The following GAB2 variants were observed in gnomAD, a reference collection of about 807,000 sequenced individuals.
The protein encoded by GAB2 is GRB2-associated-binding protein 2.
A neutral mutation model predicts 65.5 loss-of-function variants in GAB2; 26 were observed. The observed-to-expected ratio is 0.40, with a 90% CI of 0.29 to 0.55. The LOEUF (loss-of-function observed/expected upper bound fraction) is 0.55, where lower values mean the gene tolerates loss of function less well. Among genes scored for constraint, GAB2 ranks in the 20% least tolerant of loss-of-function variants. GAB2 has a pLI of 0.53. For missense variants in GAB2, 884 were observed against 875.8 expected, an observed-to-expected ratio of 1.01 and a Z score of -0.12; for synonymous variants, 321 against 329.6, an observed-to-expected ratio of 0.97 and a Z score of 0.28.
intron 1 of GAB2, among the ~76,000 whole-genome samples, chr11:78,302,701 C>T (rs1372102724): frequency 6.6e-6 from 1 of 152,140 alleles, no homozygotes; most frequent in African/African-American, 2.4e-5. Context: ...GAAAAGAAGC[C>T]ATTATACAAA....
chr11:78,291,171 G>A (rs931177162), intron 1 of GAB2, among the ~76,000 whole-genome samples: 2 of 151,910 alleles, frequency 1.3e-5, no homozygotes, highest in East Asian at 3.9e-4. Flanking sequence ...AGTAGATCAA[G>A]GCTGGGCGTG....
Position 78,231,336 on chromosome 11 carries a change from G to GGTGTGTGTGTGCGTGTGT in GAB2, c.621-4286_621-4285insACACACGCACACACACAC, listed in dbSNP as rs1554975137. On this transcript the variant is annotated intron_variant, in intron 3 of 9. Coordinates refer to ENST00000361507, the MANE Select transcript of GAB2 (RefSeq NM_080491.3). ...CCTTGGTGCGCGCGCGCGCGTGTGT[G>GGTGTGTGTGTGCGTGTGT]GTGTGTGTGTGTGTGTGTGTGTGTG... Among the ~76,000 whole-genome samples, 132 of 145,896 alleles carry GGTGTGTGTGTGCGTGTGT rather than the reference G, an allele frequency of 9.0e-4. 1 individual carries two copies. Among genetic ancestry groups the GGTGTGTGTGTGCGTGTGT allele is most frequent in the African/African-American group, 3.2e-3 (124 of 38,680 alleles).
At chr11:78,271,856 G>T (rs1338390751) in intron 2 of GAB2, among the ~76,000 whole-genome samples, 1 of 152,208 alleles carries the variant, frequency 6.6e-6, no homozygotes, top group Non-Finnish European at 1.5e-5. Context: ...ATTCCCACGT[G>T]TTGTGGGAGG....
chr11:78,324,875 A>G (rs771445226), intron 1 of GAB2: 1 of 152,160 alleles, frequency 6.6e-6, no homozygotes, highest in Non-Finnish European at 1.5e-5. Context: ...AGCTAATCTA[A>G]AGTCATTAAT....
At chr11:78,305,774 C>T (rs1381296948) in intron 1 of GAB2, among the ~76,000 whole-genome samples, 2 of 152,310 alleles carry the variant, frequency 1.3e-5, no homozygotes, top group African/African-American at 4.8e-5. Context: ...GAATAGGGCT[C>T]TCTGGAGTCC....
intron 1 of GAB2, among the ~76,000 whole-genome samples, chr11:78,398,916 G>A (rs1470066235): frequency 6.6e-6 from 1 of 152,150 alleles, no homozygotes; most frequent in Non-Finnish European, 1.5e-5. Flanking sequence ...AAATCAACTC[G>A]AATAGGCTCC....
Position 78,216,182 on chromosome 11 carries a change from G to C in GAB2, c.*3090C>G, listed in dbSNP as rs1388705452. On this transcript the variant is annotated 3_prime_UTR_variant, in exon 10 of 10. Coordinates refer to ENST00000361507, the MANE Select transcript of GAB2 (RefSeq NM_080491.3). ...ACAGACAGGCAGATCAAGGACTTAA[G>C]GAGACACCATCTCCCTATTTCTCAT... The C allele has an allele frequency of 1.3e-5, 2 of 152,630 alleles. No individual in the cohort carries two copies. The highest frequency in any genetic ancestry group is 3.9e-4 in the East Asian group (2 of 5,186). 9.5% of individuals were successfully genotyped at this position (152,630 alleles called of 1,614,324 possible).
At chr11:78,339,879 C>T (rs941680586) in intron 1 of GAB2, among the ~76,000 whole-genome samples, 2 of 152,202 alleles carry the variant, frequency 1.3e-5, no homozygotes, top group African/African-American at 4.8e-5. Context: ...AACTCTAAGG[C>T]CCCTTCCAAC....
At chr11:78,283,731 C>T (rs73496756) in intron 1 of GAB2, among the ~76,000 whole-genome samples, 4,188 of 152,200 alleles carry the variant, frequency 0.028, 150 homozygotes, top group African/African-American at 0.088. Context: ...ATTATTCCAT[C>T]CTCTTTGAAA....
intron 1 of GAB2, among the ~76,000 whole-genome samples, chr11:78,347,853 C>T (rs564686121): frequency 5.3e-5 from 8 of 152,206 alleles, no homozygotes; most frequent in East Asian, 1.9e-4. Context: ...TACAGTTGAA[C>T]CTTGAACAAC....
chr11:78,376,874 C>G (rs945441798), intron 1 of GAB2, among the ~76,000 whole-genome samples: 1 of 152,144 alleles, frequency 6.6e-6, no homozygotes, highest in Non-Finnish European at 1.5e-5. Flanking sequence ...ATCCTTAGTA[C>G]GGGAGGTGGG....
intron 2 of GAB2, among the ~76,000 whole-genome samples, chr11:78,254,364 G>T (rs1865538207): frequency 6.6e-6 from 1 of 152,106 alleles, no homozygotes; most frequent in African/African-American, 2.4e-5. Flanking sequence ...TGTTTCTTGT[G>T]GTCAAAATCA....
chr11:78,252,858 T>C (rs1228133582), intron 2 of GAB2, among the ~76,000 whole-genome samples: 1 of 152,052 alleles, frequency 6.6e-6, no homozygotes, highest in Non-Finnish European at 1.5e-5. Flanking sequence ...GTGAGGTCCA[T>C]CATCACCAGC....
intron 2 of GAB2, among the ~76,000 whole-genome samples, chr11:78,275,226 C>T (rs1866132538): frequency 6.6e-6 from 1 of 152,094 alleles, no homozygotes; most frequent in Non-Finnish European, 1.5e-5. Context: ...CCCTTCTGAA[C>T]CCAGCCAAGG....
rs1389434279 is a variant in GAB2 at position 78,240,839 on chromosome 11, C to A, written c.620+9318G>T. ...GAGCTGATAGAGGGTTCAACAGAGT[C>A]ATATCATAGATCCTGGCCCGGAGGG... On this transcript the variant is annotated intron_variant, in intron 3 of 9. Transcript: ENST00000361507. Among the ~76,000 whole-genome samples, 11 of 152,344 alleles carry A rather than the reference C, an allele frequency of 7.2e-5. No homozygotes were observed. The East Asian group carries it at 2.1e-3, about 29-fold the overall frequency.
chr11:78,385,816 C>A (rs1481279259), intron 1 of GAB2, among the ~76,000 whole-genome samples: 10 of 152,188 alleles, frequency 6.6e-5, no homozygotes, highest in African/African-American at 2.4e-4. Flanking sequence ...TGATAGGAAT[C>A]TGTCATCAAC....
intron 1 of GAB2, among the ~76,000 whole-genome samples, chr11:78,299,842 G>A (rs557326997): frequency 6.6e-6 from 1 of 152,284 alleles, no homozygotes; most frequent in Admixed American, 6.5e-5. Flanking sequence ...AGCCTCTCTA[G>A]GAGCTATTGG....
At chr11:78,393,282 C>G (rs914848165) in intron 1 of GAB2, among the ~76,000 whole-genome samples, 10 of 152,170 alleles carry the variant, frequency 6.6e-5, no homozygotes, top group African/African-American at 1.2e-4. Context: ...GAGATTCCCC[C>G]GCTCTAGTTA....
chr11:78,353,423 A>T (rs1010826203), intron 1 of GAB2, among the ~76,000 whole-genome samples: 1 of 152,238 alleles, frequency 6.6e-6, no homozygotes, highest in East Asian at 1.9e-4. Flanking sequence ...CCTGGGTAAA[A>T]GAGTGAGACT....
Sources: gnomAD v4.1 joint callset for allele counts (sites outside exome capture counted in the v4.1 genomes callset) on GRCh38, gnomAD v4.1.1 for gene constraint, MANE v1.5 for transcripts, NCBI Gene and HGNC (gene_info 2026-07-23, HGNC 2026-07-21) for gene names.